EML4: variants seen among roughly 807,000 people sequenced by gnomAD.
EML4 encodes EMAP like 4.
In EML4, 72 loss-of-function variants were observed where a neutral mutation model predicts 129.0. The ratio of observed to expected loss-of-function variants is 0.56; its 90% CI spans 0.46 to 0.68. The LOEUF (loss-of-function observed/expected upper bound fraction) is 0.68, where lower values mean the gene tolerates loss of function less well. EML4 is among the 30% of genes least tolerant of loss of function. EML4 has a pLI of 0.00. For synonymous variants in EML4, 532 were observed against 405.0 expected (o/e 1.31, Z -3.77); for missense variants, 1,363 against 1,190.6 (o/e 1.14, Z -2.13).
At chr2:42,208,618 A>G (rs1672701343) in intron 1 of EML4, among the ~76,000 whole-genome samples, 1 of 151,778 alleles carries the variant, frequency 6.6e-6, no homozygotes, top group African/African-American at 2.4e-5. Context: ...TGTTTTTAGT[A>G]GAGACGGGGT....
chr2:42,237,816 G>A lies in EML4; in HGVS notation c.26-7689G>A, dbSNP rs56794726. ...GGATCGTCATAAGACCTTCCTCTTCGTCATCTCAACTACTCAACATGAGTT... is the reference window on the plus strand; with the variant it reads ...GGATCGTCATAAGACCTTCCTCTTCATCATCTCAACTACTCAACATGAGTT... On this transcript the variant is annotated intron_variant, in intron 1 of 22. Transcript: ENST00000318522. 8.1e-3 allele frequency among the ~76,000 whole-genome samples: 1,231 copies of A among 152,228 alleles called. 14 individuals carry two copies. The highest frequency in any genetic ancestry group is 0.028 in the African/African-American group (1,172 of 41,530).
At chr2:42,195,132 T>G (rs1410443802) in intron 1 of EML4, among the ~76,000 whole-genome samples, 2 of 152,200 alleles carry the variant, frequency 1.3e-5, no homozygotes, top group Admixed American at 6.5e-5. Context: ...GGGATCCAGT[T>G]AACTTGGCCT....
At chr2:42,308,982 G>A (rs1024214189) in intron 17 of EML4, among the ~76,000 whole-genome samples, 1 of 152,076 alleles carries the variant, frequency 6.6e-6, no homozygotes, top group Admixed American at 6.5e-5. Context: ...TGGACATAGG[G>A]GTTATTTCCA....
chr2:42,203,260 G>A (rs6544515), intron 1 of EML4, among the ~76,000 whole-genome samples: 93,080 of 151,942 alleles, frequency 0.61, 29,144 homozygotes, highest in East Asian at 0.75. Flanking sequence ...CATTTTCCAT[G>A]AGTATATGAA....
At chr2:42,208,746 C>T (rs1438852338) in intron 1 of EML4, among the ~76,000 whole-genome samples, 5 of 150,782 alleles carry the variant, frequency 3.3e-5, no homozygotes, top group African/African-American at 1.2e-4. Context: ...AAGCCTACTC[C>T]TTTTATTTAT....
intron 2 of EML4, among the ~76,000 whole-genome samples, chr2:42,248,163 G>A (rs115048807): frequency 0.027 from 4,107 of 151,836 alleles, 80 homozygotes; most frequent in Non-Finnish European, 0.042. Flanking sequence ...TTTTGTACAG[G>A]CGGAATCTCT....
chr2:42,294,976 A>G, intron 11 of EML4, 149 bp from the exon 12 acceptor site: 1 of 635,294 alleles, frequency 1.6e-6, no homozygotes, highest in Non-Finnish European at 2.5e-6. Context: ...AAAATACATT[A>G]TCAAAATTTT....
In EML4 at chr2:42,241,519, C is replaced by T. The variant is rs527250213; in HGVS notation, c.26-3986C>T. On this transcript the variant is annotated intron_variant, in intron 1 of 22. Transcript: ENST00000318522. ...TAACCCTAACATAGGCCATCATCAC[C>T]TTTCACATGGGTTACTGCAACAGCC... is the stretch of plus-strand genomic sequence containing the variant. Among the ~76,000 whole-genome samples the T allele has an allele frequency of 1.3e-4, 20 of 152,294 alleles. No homozygotes were observed. In the South Asian group the frequency reaches 4.1e-3, roughly 32 times the overall value.
In EML4 at chr2:42,303,463, G is replaced by A. The variant is rs759884481; in HGVS notation, c.1899+17G>A. ...CTGGTAGATGTGAGTGAAGCAGGAT[G>A]TGATTATTAACCTCCCCACAGAAAC... is the stretch of plus-strand genomic sequence containing the variant. On this transcript the variant is annotated intron_variant, in intron 16 of 22. Transcript: ENST00000318522. The A allele has an allele frequency of 5.0e-6, 8 of 1,610,656 alleles. No homozygotes were observed. Among genetic ancestry groups the A allele is most frequent in the Middle Eastern group, 1.7e-4 (1 of 6,058 alleles).
intron 1 of EML4, among the ~76,000 whole-genome samples, chr2:42,213,075 C>T (rs1171327055): frequency 1.3e-5 from 2 of 152,202 alleles, no homozygotes; most frequent in Admixed American, 1.3e-4. Context: ...TGGAATAACT[C>T]TGCTTCAGTT....
At chr2:42,219,146 T>G (rs1320414733) in intron 1 of EML4, among the ~76,000 whole-genome samples, 1 of 152,186 alleles carries the variant, frequency 6.6e-6, no homozygotes, top group Non-Finnish European at 1.5e-5. Context: ...TTTAATTGAT[T>G]AATTGTAGCA....
intron 1 of EML4, among the ~76,000 whole-genome samples, chr2:42,181,392 G>A (rs561678213): frequency 2.5e-4 from 38 of 152,100 alleles, no homozygotes; most frequent in South Asian, 2.3e-3. Flanking sequence ...TCCACCTCCC[G>A]GACTCAAGCG....
At chr2:42,328,758 A>G (rs762662116) in intron 21 of EML4, 128 bp from the exon 22 acceptor site, 18 of 692,728 alleles carry the variant, frequency 2.6e-5, no homozygotes, top group Non-Finnish European at 3.7e-5. Flanking sequence ...TGTAAAGGAA[A>G]TGTTAACAGC....
intron 1 of EML4, among the ~76,000 whole-genome samples, chr2:42,211,612 A>C (rs1429698885): frequency 6.6e-6 from 1 of 152,220 alleles, no homozygotes; most frequent in Non-Finnish European, 1.5e-5. Flanking sequence ...ACCTGCAGAT[A>C]AAATGTCGTT....
chr2:42,319,887 T>G (rs1669431937), intron 19 of EML4: 1 of 152,252 alleles, frequency 6.6e-6, no homozygotes, highest in African/African-American at 2.4e-5. Context: ...AGAAGCACAG[T>G]ACGCTTAGAG....
chr2:42,286,253 T>A lies in EML4; in HGVS notation c.1012-16T>A, dbSNP rs754931625. ...ATCCACCTGTCCAGTTGCTCTGCTG[T>A]CTTGTGTTTTTGCAGCCTCTACAAC... On this transcript the variant is annotated splice_polypyrimidine_tract_variant and intron_variant, in intron 9 of 22. Transcript: ENST00000318522. 2.7e-6 allele frequency: 4 copies of A among 1,470,254 alleles called. No individual in the cohort carries two copies. Among genetic ancestry groups the A allele is most frequent in the Non-Finnish European group, 3.8e-6 (4 of 1,048,668 alleles). The allele number at this position is 1,470,254 out of a possible 1,614,324, so 91.1% of individuals were successfully genotyped here.
intron 6 of EML4, among the ~76,000 whole-genome samples, chr2:42,275,812 A>G (rs1666626747): frequency 6.6e-6 from 1 of 152,162 alleles, no homozygotes; most frequent in Non-Finnish European, 1.5e-5. Flanking sequence ...CAGCTTCATT[A>G]TTGAATACCT....
At position 42,245,649 on chromosome 2, in the gene EML4, A is replaced by G. The variant is rs1201088162; in HGVS notation, c.170A>G (p.Asp57Gly). The change falls in exon 2 of 23, where the codon GAT (aspartate) becomes GGT (glycine). Residue 57 changes from aspartate (D) to glycine (G), a missense_variant. Coordinates refer to ENST00000318522, the MANE Select transcript of EML4 (RefSeq NM_019063.5). The stretch of plus-strand genomic sequence containing the variant: ...TTGAGGCGTCTTGCAATCTCTGAAG[A>G]TCATGTGGCCTCAGTGAAAAAATCA... The part of the protein sequence containing the change: ...DVLRRLAISE[D>G]HVASVKKSVS... 1 of 1,613,066 alleles carries G rather than the reference A, an allele frequency of 6.2e-7. No individual in the cohort carries two copies. The highest frequency in any genetic ancestry group is 2.2e-5 in the East Asian group (1 of 44,818).
At chr2:42,246,423 C>T (rs946845794) in intron 2 of EML4, among the ~76,000 whole-genome samples, 1 of 152,164 alleles carries the variant, frequency 6.6e-6, no homozygotes, top group Non-Finnish European at 1.5e-5. Flanking sequence ...AAAGTGAGGA[C>T]ATTTATTGGC....
Sources: gnomAD v4.1 joint callset for allele counts (sites outside exome capture counted in the v4.1 genomes callset) on GRCh38, gnomAD v4.1.1 for gene constraint, MANE v1.5 for transcripts, NCBI Gene and HGNC (gene_info 2026-07-23, HGNC 2026-07-21) for gene names.